The following BMPR1B variants were observed in gnomAD, a reference collection of about 807,000 sequenced individuals.
BMPR1B encodes bone morphogenetic protein receptor type 1B.
Under a neutral mutation model 59.1 loss-of-function variants are expected in BMPR1B, and 12 were observed. The observed-to-expected ratio is 0.20, with a 90% CI of 0.13 to 0.33. The LOEUF (loss-of-function observed/expected upper bound fraction) is 0.33, where lower values mean the gene tolerates loss of function less well. BMPR1B is among the 10% of genes least tolerant of loss of function. The probability of loss-of-function intolerance (pLI) is 1.00; values close to 1 mark genes in which losing one functional copy is unlikely to be tolerated. For synonymous variants in BMPR1B, 237 were observed against 207.3 expected (o/e 1.14, Z -1.23); for missense variants, 550 against 610.9 (o/e 0.90, Z 1.05).
chr4:94,973,854 T>G (rs1049803293), intron 2 of BMPR1B, among the ~76,000 whole-genome samples: 9 of 152,204 alleles, frequency 5.9e-5, no homozygotes, highest in African/African-American at 2.2e-4. Context: ...TATGCAGAAT[T>G]CATTTACTGA....
At chr4:94,997,104 A>G (rs1722113084) in intron 3 of BMPR1B, among the ~76,000 whole-genome samples, 1 of 152,224 alleles carries the variant, frequency 6.6e-6, no homozygotes, top group South Asian at 2.1e-4. Context: ...CCTTAACTAG[A>G]GGAGAGTTAT....
At chr4:95,136,800 TTTC>T (rs1183857101) in intron 10 of BMPR1B, among the ~76,000 whole-genome samples, 1 of 152,098 alleles carries the variant, frequency 6.6e-6, no homozygotes. Context: ...TCTTCTCTCT[TTTC>T]TTCTTTATTA....
chr4:94,981,717 ATC>A (rs1721097726), intron 2 of BMPR1B, among the ~76,000 whole-genome samples: 1 of 152,216 alleles, frequency 6.6e-6, no homozygotes, highest in Non-Finnish European at 1.5e-5. Flanking sequence ...AAGGAAAGTT[ATC>A]CTATGTGTTT....
chr4:94,930,704 A>G (rs984638638), intron 2 of BMPR1B, among the ~76,000 whole-genome samples: 4 of 152,132 alleles, frequency 2.6e-5, no homozygotes, highest in African/African-American at 9.7e-5. Context: ...TCAACAGACA[A>G]TTACAATATA....
At chr4:94,828,038 G>C (rs575532874) in intron 1 of BMPR1B, among the ~76,000 whole-genome samples, 5 of 152,296 alleles carry the variant, frequency 3.3e-5, no homozygotes, top group African/African-American at 1.2e-4. Flanking sequence ...TCACGTGTGA[G>C]AAAATGTTTT....
At chr4:94,795,038 C>A (rs1481601024) in intron 1 of BMPR1B, among the ~76,000 whole-genome samples, 5 of 139,620 alleles carry the variant, frequency 3.6e-5, no homozygotes, top group African/African-American at 1.4e-4. Context: ...TTGCCCTGGC[C>A]AGAACTTCCA....
intron 1 of BMPR1B, among the ~76,000 whole-genome samples, chr4:94,859,287 T>C (rs933410352): frequency 6.6e-6 from 1 of 152,194 alleles, no homozygotes; most frequent in Non-Finnish European, 1.5e-5. Context: ...AGAATTACTT[T>C]TTAACAGGAT....
chr4:94,854,875 A>AGG (rs1725698733), intron 1 of BMPR1B, among the ~76,000 whole-genome samples: 1 of 152,166 alleles, frequency 6.6e-6, no homozygotes, highest in Non-Finnish European at 1.5e-5. Context: ...TTTAAACTTG[A>AGG]GGGCTATTTT....
At chr4:94,824,281 A>G (rs1724307601) in intron 1 of BMPR1B, among the ~76,000 whole-genome samples, 1 of 152,188 alleles carries the variant, frequency 6.6e-6, no homozygotes, top group South Asian at 2.1e-4. Flanking sequence ...TCCCCACCGT[A>G]ACTTTTTCCT....
At chr4:95,144,001 A>ATTTTT (rs80236648) in intron 10 of BMPR1B, among the ~76,000 whole-genome samples, 1 of 143,544 alleles carries the variant, frequency 7.0e-6, no homozygotes, top group Admixed American at 7.0e-5. Flanking sequence ...ATTTCTCCCA[A>ATTTTT]TTTTTTTTTT....
At chr4:94,878,778 T>C (rs1219081742) in intron 2 of BMPR1B, among the ~76,000 whole-genome samples, 1 of 151,812 alleles carries the variant, frequency 6.6e-6, no homozygotes, top group African/African-American at 2.4e-5. Flanking sequence ...GGTAGGCATT[T>C]GTATTTCATC....
intron 1 of BMPR1B, among the ~76,000 whole-genome samples, chr4:94,836,572 G>T (rs1298941047): frequency 1.4e-5 from 2 of 145,644 alleles, no homozygotes; most frequent in African/African-American, 5.1e-5. Context: ...AGAAGTGTCT[G>T]TTCATATCCT....
chr4:95,015,728 C>G (rs1269358978), intron 3 of BMPR1B, among the ~76,000 whole-genome samples: 1 of 150,760 alleles, frequency 6.6e-6, no homozygotes, highest in East Asian at 2.0e-4. Context: ...GAGTCTCACT[C>G]TGTCACCAGA....
intron 8 of BMPR1B, among the ~76,000 whole-genome samples, chr4:95,126,663 A>G (rs1254609744): frequency 1.3e-5 from 2 of 152,180 alleles, no homozygotes; most frequent in South Asian, 2.1e-4. Flanking sequence ...TGGTTAAATA[A>G]AACAAGAAAG....
intron 1 of BMPR1B, among the ~76,000 whole-genome samples, chr4:94,859,790 T>G (rs1560519176): frequency 6.6e-6 from 1 of 152,142 alleles, no homozygotes; most frequent in Non-Finnish European, 1.5e-5. Flanking sequence ...CAAAATATTT[T>G]TGTAATATTT....
chr4:94,944,678 G>A (rs945714606), intron 2 of BMPR1B, among the ~76,000 whole-genome samples: 1 of 152,156 alleles, frequency 6.6e-6, no homozygotes, highest in Non-Finnish European at 1.5e-5. Flanking sequence ...AGTTCTAGTG[G>A]TAAGTGAAGC....
intron 3 of BMPR1B, among the ~76,000 whole-genome samples, chr4:95,078,043 G>A (rs1355372538): frequency 1.3e-5 from 2 of 152,142 alleles, no homozygotes; most frequent in African/African-American, 4.8e-5. Flanking sequence ...AGTGTGTACT[G>A]TTCTCCACGT....
intron 2 of BMPR1B, among the ~76,000 whole-genome samples, chr4:94,981,604 A>G (rs887617888): frequency 4.6e-5 from 7 of 152,272 alleles, no homozygotes; most frequent in Admixed American, 4.6e-4. Flanking sequence ...TGCTTAGTTT[A>G]TGGATGATTT....
At chr4:94,900,420 G>A (rs1727766740) in intron 2 of BMPR1B, among the ~76,000 whole-genome samples, 1 of 151,136 alleles carries the variant, frequency 6.6e-6, no homozygotes, top group South Asian at 2.1e-4. Flanking sequence ...TTCTGTATTT[G>A]TAAATGCAAA....
Sources: allele counts gnomAD v4.1 joint callset (sites outside exome capture counted in the v4.1 genomes callset), GRCh38; gene constraint gnomAD v4.1.1; transcripts MANE v1.5; gene names NCBI Gene and HGNC (gene_info 2026-07-23, HGNC 2026-07-21).